Variants in AGO3 observed in about 807,000 individuals in gnomAD.
AGO3 encodes the protein protein argonaute-3.
AGO3 carries 16 observed loss-of-function variants against 105.5 expected under a neutral mutation model. The ratio of observed to expected loss-of-function variants is 0.15; its 90% confidence interval spans 0.10 to 0.23. The LOEUF is 0.23. Ranked by LOEUF, AGO3 falls within the 10% of genes least tolerant of loss-of-function variation. The pLI is 1.00. For synonymous variants in AGO3, 340 were observed against 367.3 expected (o/e 0.93, Z 0.85); for missense variants, 534 against 1,088.0 (o/e 0.49, Z 7.16).
Position 36,070,988 on chromosome 1 carries a change from TTTTATG to T in AGO3, c.*15249_*15254del, listed in dbSNP as rs1471346824. On this transcript the variant is annotated 3_prime_UTR_variant, in exon 19 of 19. Coordinates refer to ENST00000373191, the MANE Select transcript of AGO3 (RefSeq NM_024852.4). ...GTGCGTATGTGTGTCTATATCAATA[TTTTATG>T]TTTATAACTCTGCGTATTAAGTTTA... 6.6e-6 allele frequency: 1 copy of T among 152,196 alleles called. No individual in the cohort carries two copies. The highest frequency in any genetic ancestry group is 1.5e-5 in the Non-Finnish European group (1 of 68,042). 9.4% of individuals were successfully genotyped at this position (152,196 alleles called of 1,614,324 possible).
intron 5 of AGO3, chr1:35,982,939 A>G (rs1013211885): frequency 3.3e-6 from 1 of 307,338 alleles, no homozygotes. Flanking sequence ...GAGAAGCAGA[A>G]CCAGTACGAA....
chr1:35,999,058 C>T (rs1286860487), intron 5 of AGO3, among the ~76,000 whole-genome samples: 1 of 152,028 alleles, frequency 6.6e-6, no homozygotes, highest in Non-Finnish European at 1.5e-5. Flanking sequence ...AGACCTTATT[C>T]TTAAGAATTG....
intron 5 of AGO3, among the ~76,000 whole-genome samples, chr1:35,985,569 A>G (rs867767169): frequency 1.3e-5 from 2 of 152,004 alleles, no homozygotes; most frequent in South Asian, 2.1e-4. Context: ...AAAGAGTAGA[A>G]TATTTAATAA....
intron 5 of AGO3, among the ~76,000 whole-genome samples, chr1:36,002,736 G>A (rs1640148754): frequency 6.6e-6 from 1 of 151,878 alleles, no homozygotes; most frequent in African/African-American, 2.4e-5. Context: ...CAGAGGTAAG[G>A]AACATTTTAT....
At chr1:36,031,265 C>T (rs758309060) in intron 12 of AGO3, among the ~76,000 whole-genome samples, 4 of 152,188 alleles carry the variant, frequency 2.6e-5, no homozygotes, top group South Asian at 4.1e-4. Flanking sequence ...CAGCCCCAAA[C>T]TCCTGGGCTC....
At position 36,069,152 on chromosome 1, in the gene AGO3, G is replaced by C. The variant is rs1400324787; in HGVS notation, c.*13407G>C. 6.6e-6 allele frequency: 1 copy of C among 152,276 alleles called. No homozygotes were observed. Among genetic ancestry groups the C allele is most frequent in the East Asian group, 1.9e-4 (1 of 5,198 alleles). The allele number at this position is 152,276 out of a possible 1,614,324, so 9.4% of individuals were successfully genotyped here. ...AGGGTCTCACTCTGTTGCCCAGGCT[G>C]AACTACAGTAGTGTGATCATAGCTC... On this transcript the variant is annotated 3_prime_UTR_variant, in exon 19 of 19. Coordinates refer to ENST00000373191, the MANE Select transcript of AGO3 (RefSeq NM_024852.4).
intron 5 of AGO3, among the ~76,000 whole-genome samples, chr1:35,978,676 G>A (rs185636955): frequency 1.2e-4 from 18 of 152,214 alleles, no homozygotes; most frequent in African/African-American, 3.9e-4. Flanking sequence ...GGATTCTGGA[G>A]GCTCAGTTTT....
At chr1:35,966,209 A>G (rs1306281102) in intron 2 of AGO3, among the ~76,000 whole-genome samples, 2 of 152,346 alleles carry the variant, frequency 1.3e-5, no homozygotes, top group African/African-American at 4.8e-5. Context: ...TATAAACAAA[A>G]TAAAAGTGAC....
At chr1:36,007,450 A>G (rs545960282) in intron 6 of AGO3, among the ~76,000 whole-genome samples, 7 of 152,254 alleles carry the variant, frequency 4.6e-5, no homozygotes, top group Admixed American at 4.6e-4. Context: ...TAATCTCAAC[A>G]CTTTGGGAGG....
At chr1:36,026,800 A>G (rs1569852427) in intron 11 of AGO3, among the ~76,000 whole-genome samples, 1 of 152,252 alleles carries the variant, frequency 6.6e-6, no homozygotes, top group Non-Finnish European at 1.5e-5. Context: ...CTAAAATTTC[A>G]TAGTAGTATG....
chr1:36,019,944 A>T (rs989183792), intron 11 of AGO3, among the ~76,000 whole-genome samples: 1 of 151,974 alleles, frequency 6.6e-6, no homozygotes, highest in Admixed American at 6.6e-5. Flanking sequence ...AATTTTTTGT[A>T]TTTTTTAAGT....
intron 1 of AGO3, among the ~76,000 whole-genome samples, chr1:35,936,698 G>A (rs528073766): frequency 2.6e-5 from 4 of 152,206 alleles, no homozygotes; most frequent in South Asian, 2.1e-4. Flanking sequence ...AAATCAGAAC[G>A]TGGTATCTAC....
At chr1:36,032,517 A>G (rs1473953996) in intron 12 of AGO3, among the ~76,000 whole-genome samples, 1 of 151,990 alleles carries the variant, frequency 6.6e-6, no homozygotes, top group East Asian at 1.9e-4. Context: ...GAGTAGCTAG[A>G]ACTAAAAGCA....
Position 36,070,235 on chromosome 1 carries a change from A to C in AGO3, c.*14490A>C, listed in dbSNP as rs559900908. ...TGAAGAAGAGGGTTAGATTTTAAGAAAGAAAGTGTGCTTATTTCACTCATG... is the reference window on the plus strand; with the variant it reads ...TGAAGAAGAGGGTTAGATTTTAAGACAGAAAGTGTGCTTATTTCACTCATG... On this transcript the variant is annotated 3_prime_UTR_variant, in exon 19 of 19. Coordinates refer to ENST00000373191, the MANE Select transcript of AGO3 (RefSeq NM_024852.4). 6.6e-6 allele frequency: 1 copy of C among 152,350 alleles called. No homozygotes were observed. Among genetic ancestry groups the C allele is most frequent in the East Asian group, 1.9e-4 (1 of 5,186 alleles). 9.4% of individuals were successfully genotyped at this position (152,350 alleles called of 1,614,324 possible). A position where few individuals can be genotyped will look rare whatever the true frequency, so the allele number is the denominator to read the frequency against.
At chr1:35,937,153 G>A (rs1177039196) in intron 1 of AGO3, among the ~76,000 whole-genome samples, 1 of 152,182 alleles carries the variant, frequency 6.6e-6, no homozygotes, top group Non-Finnish European at 1.5e-5. Flanking sequence ...TGTAATCTCA[G>A]TGCTTTGGGA....
In AGO3 at chr1:36,065,472, G is replaced by A; in HGVS notation, c.*9727G>A. ...AAAATACAAAAATTAGCTGGGTGTG[G>A]TGGCACACGCCTGTAGTCCCAGCTA... On this transcript the variant is annotated 3_prime_UTR_variant, in exon 19 of 19. Transcript: ENST00000373191. The A allele has an allele frequency of 6.6e-6, 1 of 152,384 alleles. No homozygotes were observed. Among genetic ancestry groups the A allele is most frequent in the Non-Finnish European group, 1.5e-5 (1 of 68,178 alleles). The allele number at this position is 152,384 out of a possible 1,614,324, so 9.4% of individuals were successfully genotyped here. A position where few individuals can be genotyped will look rare whatever the true frequency, so the allele number is the denominator to read the frequency against.
rs1295225872 is a variant in AGO3 at position 36,060,610 on chromosome 1, AACTG to A, written c.*4868_*4871del. 3.9e-5 allele frequency: 6 copies of A among 152,376 alleles called. No homozygotes were observed. In the East Asian group the frequency reaches 1.2e-3, roughly 29 times the overall value. 9.4% of individuals were successfully genotyped at this position (152,376 alleles called of 1,614,324 possible). A position where few individuals can be genotyped will look rare whatever the true frequency, so the allele number is the denominator to read the frequency against. ...TTTTAATATTTTTACCAAGAAGTTT[AACTG>A]ACAACTCTGCAAAATTTTCATTCAG... On this transcript the variant is annotated 3_prime_UTR_variant, in exon 19 of 19. Coordinates refer to ENST00000373191, the MANE Select transcript of AGO3 (RefSeq NM_024852.4).
intron 2 of AGO3, among the ~76,000 whole-genome samples, chr1:35,958,773 G>GTAATAAA (rs1009378572): frequency 3.9e-4 from 60 of 152,158 alleles, no homozygotes; most frequent in African/African-American, 1.4e-3. Context: ...TAACCACAGA[G>GTAATAAA]TAATAAAGAT....
intron 1 of AGO3, among the ~76,000 whole-genome samples, chr1:35,931,834 G>T (rs1018033484): frequency 1.3e-5 from 2 of 152,236 alleles, no homozygotes; most frequent in Admixed American, 1.3e-4. Flanking sequence ...TACCTCTTAG[G>T]ATAGTTGTGA....
Sources: gnomAD v4.1 joint callset for allele counts (sites outside exome capture counted in the v4.1 genomes callset) on GRCh38, gnomAD v4.1.1 for gene constraint, MANE v1.5 for transcripts, NCBI Gene and HGNC (gene_info 2026-07-23, HGNC 2026-07-21) for gene names.